TTC6: variants seen among roughly 807,000 people sequenced by gnomAD.
TTC6 encodes tetratricopeptide repeat protein 6.
A neutral mutation model predicts 210.4 loss-of-function variants in TTC6; 172 were observed. The observed-to-expected ratio is 0.82, with a 90% CI of 0.72 to 0.93. The LOEUF is 0.93. TTC6 is among the 40% of genes least tolerant of loss of function. The pLI, the probability that TTC6 is intolerant of heterozygous loss-of-function variation, is 0.00. For missense variants in TTC6, 2,414 were observed against 2,318.1 expected, an observed-to-expected ratio of 1.04 and a Z score of -0.85; for synonymous variants, 804 against 819.6, an observed-to-expected ratio of 0.98 and a Z score of 0.32.
chr14:37,619,812 C>T (rs1179462216), upstream of TTC6, among the ~76,000 whole-genome samples: 1 of 151,490 alleles, frequency 6.6e-6, no homozygotes, highest in Non-Finnish European at 1.5e-5. Context: ...TTGGCTAATC[C>T]AGCCTGTTTA....
intron 12 of TTC6, 72 bp downstream of exon 14, chr14:37,749,915 A>T: frequency 9.5e-7 from 1 of 1,052,490 alleles, no homozygotes. Context: ...TGGTACTATA[A>T]GGATACATAA....
chr14:37,676,240 A>T (rs189300140), intron 1 of TTC6, among the ~76,000 whole-genome samples: 184 of 152,236 alleles, frequency 1.2e-3, no homozygotes, highest in Middle Eastern at 0.01. Flanking sequence ...GGTGGCCAGG[A>T]CACTTACAAC....
At chr14:37,678,059 T>A (rs1011022013) in intron 1 of TTC6, among the ~76,000 whole-genome samples, 2 of 152,154 alleles carry the variant, frequency 1.3e-5, no homozygotes, top group Non-Finnish European at 2.9e-5. Context: ...TGCTTCTTCA[T>A]GTGACCAGCA....
chr14:37,663,598 A>C (rs2095741858), intron 1 of TTC6, among the ~76,000 whole-genome samples: 1 of 152,098 alleles, frequency 6.6e-6, no homozygotes, highest in Non-Finnish European at 1.5e-5. Flanking sequence ...TTTTTACCTT[A>C]TTAGTTATGC....
At chr14:37,801,411 T>G (rs1172297721) in intron 20 of TTC6, among the ~76,000 whole-genome samples, 1 of 152,210 alleles carries the variant, frequency 6.6e-6, no homozygotes, top group African/African-American at 2.4e-5. Flanking sequence ...TAGAGTCATC[T>G]GGTAGACACA....
intron 1 of TTC6, among the ~76,000 whole-genome samples, chr14:37,605,792 GA>G (rs890345292): frequency 7.2e-5 from 11 of 152,146 alleles, no homozygotes; most frequent in African/African-American, 2.7e-4. Flanking sequence ...CTACCTCCAA[GA>G]AAAATAAATC....
At chr14:37,703,312 T>C (rs1040953) in intron 5 of TTC6, among the ~76,000 whole-genome samples, 151,616 of 152,190 alleles carry the variant, frequency 1, 75,529 homozygotes, top group Middle Eastern at 1. Context: ...AGTCAATAAA[T>C]GTTCTATTTG....
chr14:37,790,993 A>G (rs1051253071), intron 16 of TTC6, among the ~76,000 whole-genome samples, 156 bp downstream of exon 18: 2 of 152,212 alleles, frequency 1.3e-5, no homozygotes, highest in Admixed American at 6.5e-5. Flanking sequence ...TTCTAAAAAC[A>G]AGATTACTTC....
intron 3 of TTC6, among the ~76,000 whole-genome samples, chr14:37,693,654 CA>C (rs2095808799): frequency 2.0e-5 from 3 of 151,796 alleles, no homozygotes; most frequent in Admixed American, 2.0e-4. Context: ...AAAACAAAAA[CA>C]AAAAATCTGG....
chr14:37,799,138 A>G (rs1340699654), intron 20 of TTC6, among the ~76,000 whole-genome samples: 1 of 152,168 alleles, frequency 6.6e-6, no homozygotes, highest in African/African-American at 2.4e-5. Flanking sequence ...TTGAAAGATT[A>G]TTTAATGCTT....
At chr14:37,686,050 A>G (rs1258282780) in intron 3 of TTC6, among the ~76,000 whole-genome samples, 3 of 152,126 alleles carry the variant, frequency 2.0e-5, no homozygotes, top group African/African-American at 7.2e-5. Context: ...TCCTAGACTG[A>G]ATATCATAAA....
At chr14:37,663,499 A>C (rs961476753) in intron 1 of TTC6, among the ~76,000 whole-genome samples, 13 of 152,156 alleles carry the variant, frequency 8.5e-5, no homozygotes, top group Admixed American at 6.6e-4. Context: ...TTTTTTAAAC[A>C]TTATTTATTA....
intron 14 of TTC6, among the ~76,000 whole-genome samples, chr14:37,776,896 C>CAA (rs34194790): frequency 4.0e-5 from 6 of 149,476 alleles, no homozygotes; most frequent in Non-Finnish European, 6.0e-5. Flanking sequence ...AACTCCATCT[C>CAA]AAAAAAAAAA....
At chr14:37,842,583 A>G (rs2096212518), downstream of TTC6, 1 of 195,312 alleles carries the variant, frequency 5.1e-6, no homozygotes, top group African/African-American at 2.3e-5. Context: ...CATTTAAAAT[A>G]TTTTCTTTAA....
chr14:37,700,747 T>C (rs1474107902), intron 4 of TTC6, among the ~76,000 whole-genome samples: 6 of 28,980 alleles, frequency 2.1e-4, no homozygotes, highest in Admixed American at 6.2e-4. Flanking sequence ...AGACTCCATC[T>C]CACAAAAAAA....
intron 6 of TTC6, among the ~76,000 whole-genome samples, chr14:37,721,313 C>G (rs992939687): frequency 6.6e-6 from 1 of 152,054 alleles, no homozygotes; most frequent in Admixed American, 6.6e-5. Context: ...TTGGAAAATA[C>G]TCTTCAGTTA....
intron 14 of TTC6, among the ~76,000 whole-genome samples, chr14:37,779,805 T>C (rs911384631): frequency 7.2e-5 from 11 of 152,184 alleles, no homozygotes; most frequent in African/African-American, 2.7e-4. Context: ...AAAAGGTTAA[T>C]TGAAGGTATT....
At chr14:37,809,656 T>G (rs1271424426) in intron 24 of TTC6, among the ~76,000 whole-genome samples, 1 of 152,206 alleles carries the variant, frequency 6.6e-6, no homozygotes, top group African/African-American at 2.4e-5. Context: ...GTGATGGTTT[T>G]CAGCTCCAGG....
At chr14:37,800,165 C>T (rs1345432184) in intron 20 of TTC6, among the ~76,000 whole-genome samples, 2 of 152,208 alleles carry the variant, frequency 1.3e-5, no homozygotes, top group East Asian at 3.9e-4. Flanking sequence ...CAAACAGACT[C>T]TTAGTAGATA....
Sources: allele counts gnomAD v4.1 joint callset (sites outside exome capture counted in the v4.1 genomes callset), GRCh38; gene constraint gnomAD v4.1.1; transcripts MANE v1.5; gene names NCBI Gene and HGNC (gene_info 2026-07-23, HGNC 2026-07-21).